Variants in NRG3 observed in about 807,000 individuals in gnomAD.
NRG3 encodes pro-neuregulin-3, membrane-bound isoform.
A neutral mutation model predicts 66.9 loss-of-function variants in NRG3; 31 were observed. That is an observed-to-expected ratio of 0.46 (90% CI 0.35 to 0.63). The LOEUF is 0.63. NRG3 is among the 20% of genes least tolerant of loss of function. NRG3 has a pLI of 0.00. For missense variants in NRG3, 910 were observed against 878.9 expected, an observed-to-expected ratio of 1.04 and a Z score of -0.45; for synonymous variants, 393 against 359.4, an observed-to-expected ratio of 1.09 and a Z score of -1.06.
chr10:82,362,546 GGGTTTT>G lies in NRG3; in HGVS notation c.953+3679_953+3684del, dbSNP rs988450666. Among the ~76,000 whole-genome samples the G allele has an allele frequency of 7.6e-3, 696 of 91,344 alleles. 25 individuals are homozygous for G. Among genetic ancestry groups the G allele is most frequent in the African/African-American group, 0.026 (666 of 25,674 alleles). The allele number at this position is 91,344 out of a possible 152,430, so 59.9% of individuals were successfully genotyped here. On this transcript the variant is annotated intron_variant, in intron 2 of 8. Coordinates refer to ENST00000372141, the MANE Select transcript of NRG3 (RefSeq NM_001010848.4). ...TCACCACCATGCCCAGATAATTTCTGGGTTTTTTTTTTTTTTTTTTTTTCGTAGAAA... is the reference window on the plus strand; with the variant it reads ...TCACCACCATGCCCAGATAATTTCTGTTTTTTTTTTTTTTTTTCGTAGAAA...
At chr10:82,438,420 G>A (rs2090256089) in intron 2 of NRG3, among the ~76,000 whole-genome samples, 1 of 152,220 alleles carries the variant, frequency 6.6e-6, no homozygotes, top group East Asian at 1.9e-4. Context: ...GAAAAGTGCA[G>A]CCTGGAGCTG....
rs2091198230 is a variant in NRG3 at position 82,454,852 on chromosome 10, A to G, written c.953+95984A>G. 2.0e-5 allele frequency among the ~76,000 whole-genome samples: 3 copies of G among 152,250 alleles called. No individual in the cohort carries two copies. The South Asian group carries it at 6.2e-4, about 32-fold the overall frequency. On this transcript the variant is annotated intron_variant, in intron 2 of 8. Transcript: ENST00000372141. ...AAAGGAAATCTGTACATCAAAAAGCATATTAAACTAAATTGAGAGGCAAAT... is the reference window on the plus strand; with the variant it reads ...AAAGGAAATCTGTACATCAAAAAGCGTATTAAACTAAATTGAGAGGCAAAT...
At chr10:82,076,579 C>T (rs933569436) in intron 1 of NRG3, among the ~76,000 whole-genome samples, 3 of 152,092 alleles carry the variant, frequency 2.0e-5, no homozygotes, top group African/African-American at 7.2e-5. Context: ...GGGTGGATTC[C>T]CCATGAATGG....
At chr10:82,484,054 C>T (rs76201433) in intron 2 of NRG3, among the ~76,000 whole-genome samples, 3 of 152,262 alleles carry the variant, frequency 2.0e-5, no homozygotes, top group African/African-American at 4.8e-5. Flanking sequence ...TAAACAGACA[C>T]GCTGGTTTTT....
At chr10:82,221,883 A>C (rs1211503457) in intron 1 of NRG3, among the ~76,000 whole-genome samples, 3 of 152,166 alleles carry the variant, frequency 2.0e-5, no homozygotes, top group Middle Eastern at 6.8e-3. Flanking sequence ...GAAGAGAAAC[A>C]CAAATACATT....
At chr10:82,836,402 T>C (rs111863204) in intron 3 of NRG3, among the ~76,000 whole-genome samples, 136 of 152,292 alleles carry the variant, frequency 8.9e-4, no homozygotes, top group African/African-American at 3.2e-3. Context: ...AAGATATTAT[T>C]GAGTATAAAC....
chr10:82,384,140 CTTATT>C (rs2085817793), intron 2 of NRG3, among the ~76,000 whole-genome samples: 1 of 151,970 alleles, frequency 6.6e-6, no homozygotes, highest in African/African-American at 2.4e-5. Flanking sequence ...TATTGACAAA[CTTATT>C]TAATTTTATT....
At chr10:82,951,406 A>T in intron 4 of NRG3, 63 bp from the exon 5 acceptor site, 1 of 1,307,104 alleles carries the variant, frequency 7.7e-7, no homozygotes, top group Non-Finnish European at 1.1e-6. Context: ...AAGTACATGG[A>T]TGAAGATAGT....
At position 82,161,881 on chromosome 10, in the gene NRG3, C is replaced by G. The variant is rs564237784; in HGVS notation, c.824-196858C>G. Among the ~76,000 whole-genome samples, 192 of 152,284 alleles carry G rather than the reference C, an allele frequency of 1.3e-3. 2 individuals are homozygous for G. The highest frequency in any genetic ancestry group is 2.1e-3 in the Non-Finnish European group (146 of 68,012). On this transcript the variant is annotated intron_variant, in intron 1 of 8. Transcript: ENST00000372141. ...GGTGTCTGCCATGGGAAAGCAGATT[C>G]ACTCCATTGCTTCTTAGATTCAAAT...
At chr10:82,493,402 T>C (rs1306140713) in intron 2 of NRG3, among the ~76,000 whole-genome samples, 1 of 152,184 alleles carries the variant, frequency 6.6e-6, no homozygotes, top group Non-Finnish European at 1.5e-5. Context: ...GTTTCTGTGT[T>C]AGTTTGCTGA....
chr10:82,935,221 A>T (rs1380028822), intron 4 of NRG3, among the ~76,000 whole-genome samples: 1 of 152,220 alleles, frequency 6.6e-6, no homozygotes, highest in Non-Finnish European at 1.5e-5. Flanking sequence ...TAGTCTGAGA[A>T]ATGCCAAATA....
chr10:82,898,716 T>TTA (rs1554837106), intron 4 of NRG3, among the ~76,000 whole-genome samples: 1 of 88,922 alleles, frequency 1.1e-5, no homozygotes, highest in East Asian at 3.2e-4. Flanking sequence ...GAGTTTTACC[T>TTA]TTTTTTTTTT....
chr10:82,629,745 A>G (rs1209404289), intron 2 of NRG3, among the ~76,000 whole-genome samples: 1 of 152,202 alleles, frequency 6.6e-6, no homozygotes, highest in African/African-American at 2.4e-5. Context: ...CCTTTCTACC[A>G]TGATTCCATT....
intron 2 of NRG3, among the ~76,000 whole-genome samples, chr10:82,449,335 A>G (rs1015390972): frequency 1.3e-5 from 2 of 152,218 alleles, no homozygotes; most frequent in Non-Finnish European, 2.9e-5. Context: ...GATATCTGGA[A>G]GAGCCTGTGA....
At chr10:82,166,476 A>G (rs961434639) in intron 1 of NRG3, among the ~76,000 whole-genome samples, 1 of 151,992 alleles carries the variant, frequency 6.6e-6, no homozygotes, top group African/African-American at 2.4e-5. Flanking sequence ...TGTGTAGGAA[A>G]ATTGCCTTAC....
chr10:82,009,782 CAGACCTT>C, intron 1 of NRG3, among the ~76,000 whole-genome samples: 1 of 152,288 alleles, frequency 6.6e-6, no homozygotes, highest in African/African-American at 2.4e-5. Flanking sequence ...TCCCTGGGAT[CAGACCTT>C]TCAGCCCCAG....
rs529717252 is a variant in NRG3 at position 82,929,433 on chromosome 10, G to A, written c.1055-22036G>A. Among the ~76,000 whole-genome samples the A allele has an allele frequency of 2.6e-5, 4 of 152,064 alleles. No homozygotes were observed. The South Asian group carries it at 6.2e-4, about 24-fold the overall frequency. On this transcript the variant is annotated intron_variant, in intron 4 of 8. Transcript: ENST00000372141. ...CCCCAGGTATAAGATTTATCTTTCCGAGCAGAGGATCTGCAAACAGTGCCT... is the reference window on the plus strand; with the variant it reads ...CCCCAGGTATAAGATTTATCTTTCCAAGCAGAGGATCTGCAAACAGTGCCT...
At chr10:82,919,139 G>T (rs1381327452) in intron 4 of NRG3, among the ~76,000 whole-genome samples, 1 of 151,314 alleles carries the variant, frequency 6.6e-6, no homozygotes, top group African/African-American at 2.4e-5. Flanking sequence ...AAATGAAAAA[G>T]TCATCTCCAT....
rs113375937 is a variant in NRG3, at chr10:81,951,171, C to T, written c.823+75008C>T. Among the ~76,000 whole-genome samples the T allele has an allele frequency of 4.0e-3, 603 of 152,162 alleles. 2 individuals are homozygous for T. The highest frequency in any genetic ancestry group is 0.014 in the African/African-American group (563 of 41,528). On this transcript the variant is annotated intron_variant, in intron 1 of 8. Transcript: ENST00000372141. ...TTCTGATCTCCATATGTAGGAGAGTCGTACCACCGTTCAAATTGGCATTGA... is the reference window on the plus strand; with the variant it reads ...TTCTGATCTCCATATGTAGGAGAGTTGTACCACCGTTCAAATTGGCATTGA...
Sources: gnomAD v4.1 joint callset for allele counts (sites outside exome capture counted in the v4.1 genomes callset) on GRCh38, gnomAD v4.1.1 for gene constraint, MANE v1.5 for transcripts, NCBI Gene and HGNC (gene_info 2026-07-23, HGNC 2026-07-21) for gene names.